The following FRMD5 variants were observed in gnomAD, a reference collection of about 807,000 sequenced individuals.
The protein encoded by FRMD5 is FERM domain containing 5.
FRMD5 carries 20 observed loss-of-function variants against 69.0 expected under a neutral mutation model. The observed-to-expected ratio is 0.29, with a 90% confidence interval of 0.20 to 0.42. The LOEUF (loss-of-function observed/expected upper bound fraction) is 0.42, where lower values mean the gene tolerates loss of function less well. Ranked by LOEUF, FRMD5 falls within the 10% of genes least tolerant of loss-of-function variation. The pLI is 1.00. For missense variants in FRMD5, 595 were observed against 708.6 expected (o/e 0.84, Z 1.82); for synonymous variants, 271 against 260.1 (o/e 1.04, Z -0.40).
At chr15:43,975,074 C>T (rs2090443191) in intron 1 of FRMD5, among the ~76,000 whole-genome samples, 1 of 152,170 alleles carries the variant, frequency 6.6e-6, no homozygotes, top group Non-Finnish European at 1.5e-5. Context: ...GAGCAGTGAA[C>T]CATGAGGAAT....
At chr15:43,947,859 T>C (rs1334424081) in intron 1 of FRMD5, among the ~76,000 whole-genome samples, 1 of 152,226 alleles carries the variant, frequency 6.6e-6, no homozygotes, top group African/African-American at 2.4e-5. Context: ...ACTTAAACCT[T>C]TTATCCCAGA....
intron 1 of FRMD5, among the ~76,000 whole-genome samples, chr15:43,952,514 G>T (rs1010781441): frequency 6.6e-6 from 1 of 152,180 alleles, no homozygotes; most frequent in African/African-American, 2.4e-5. Flanking sequence ...CTTTCCATGC[G>T]CTGCTGCATT....
rs143940165 is a variant in FRMD5 at position 43,910,350 on chromosome 15, G to A, written c.330-371C>T. Among the ~76,000 whole-genome samples the A allele has an allele frequency of 5.7e-4, 87 of 152,086 alleles. 1 individual carries two copies. The East Asian group carries it at 0.014, about 24-fold the overall frequency. On this transcript the variant is annotated intron_variant, in intron 4 of 13. Transcript: ENST00000417257. The stretch of plus-strand genomic sequence containing the variant: ...AGACTGGCAAACTGGGCCTCTCTCC[G>A]CCTTGGATGCCAGCTGATGTTCCTT...
At chr15:44,142,546 A>G (rs2077289224) in intron 1 of FRMD5, among the ~76,000 whole-genome samples, 3 of 152,204 alleles carry the variant, frequency 2.0e-5, no homozygotes, top group Admixed American at 2.0e-4. Flanking sequence ...TATAGTCTCT[A>G]TGGGAAATAT....
At chr15:44,093,665 C>G (rs986961484) in intron 1 of FRMD5, among the ~76,000 whole-genome samples, 1 of 151,810 alleles carries the variant, frequency 6.6e-6, no homozygotes, top group African/African-American at 2.4e-5. Context: ...CTCCATCTCC[C>G]GGGTTCACGC....
At chr15:44,132,968 A>T (rs1279783380) in intron 1 of FRMD5, among the ~76,000 whole-genome samples, 1 of 151,482 alleles carries the variant, frequency 6.6e-6, no homozygotes, top group Non-Finnish European at 1.5e-5. Flanking sequence ...TCACCACGTT[A>T]GCCGGGATGG....
rs749374304 is a variant in FRMD5, at chr15:43,919,575, C to T, written c.251-38G>A. On this transcript the variant is annotated intron_variant, in intron 3 of 13. Transcript: ENST00000417257. ...AGAGGTGCTCATCAGGGAAGACTCT[C>T]ACCCAGAAGAGGACAGGGCTCTTCT... 12 of 1,599,894 alleles carry T rather than the reference C, an allele frequency of 7.5e-6. No homozygotes were observed. In the Admixed American group the frequency reaches 1.3e-4, roughly 18 times the overall value.
intron 1 of FRMD5, among the ~76,000 whole-genome samples, chr15:43,927,104 A>G (rs978594391): frequency 7.2e-5 from 11 of 152,082 alleles, no homozygotes; most frequent in African/African-American, 2.7e-4. Context: ...AAGTATGCCT[A>G]CGCTCCCTTT....
At chr15:44,161,522 C>T (rs2077615895) in intron 1 of FRMD5, among the ~76,000 whole-genome samples, 1 of 152,184 alleles carries the variant, frequency 6.6e-6, no homozygotes, top group East Asian at 1.9e-4. Context: ...GGGCAACATG[C>T]TTAACTATTA....
intron 1 of FRMD5, among the ~76,000 whole-genome samples, chr15:43,953,840 G>A (rs2140519600): frequency 6.6e-6 from 1 of 152,340 alleles, no homozygotes; most frequent in Non-Finnish European, 1.5e-5. Flanking sequence ...CAGCTATGAT[G>A]TGACTTTACA....
intron 13 of FRMD5, chr15:43,879,390 C>T (rs1325608114): frequency 5.0e-6 from 2 of 397,648 alleles, no homozygotes; most frequent in African/African-American, 4.1e-5. Flanking sequence ...GTAAAAGCCA[C>T]CACCTGTCCT....
chr15:43,964,571 C>CT (rs967665247), intron 1 of FRMD5, among the ~76,000 whole-genome samples: 21 of 151,220 alleles, frequency 1.4e-4, no homozygotes, highest in African/African-American at 2.2e-4. Flanking sequence ...TGTAACAAGG[C>CT]TTTTTTTTAA....
At chr15:43,882,422 G>A (rs935022093) in intron 13 of FRMD5, among the ~76,000 whole-genome samples, 1 of 151,098 alleles carries the variant, frequency 6.6e-6, no homozygotes, top group Non-Finnish European at 1.5e-5. Flanking sequence ...GCAGTGGCAC[G>A]ATCTCAGCTC....
At chr15:43,949,441 C>T (rs2089993819) in intron 1 of FRMD5, among the ~76,000 whole-genome samples, 2 of 152,196 alleles carry the variant, frequency 1.3e-5, no homozygotes, top group African/African-American at 4.8e-5. Context: ...TGTGAGCTCC[C>T]TTCAGGTAGA....
chr15:43,907,750 C>T (rs1409387467), intron 5 of FRMD5, among the ~76,000 whole-genome samples: 4 of 152,152 alleles, frequency 2.6e-5, no homozygotes, highest in Non-Finnish European at 5.9e-5. Context: ...TCATGATCTG[C>T]CTGTCTCGGC....
intron 1 of FRMD5, among the ~76,000 whole-genome samples, chr15:44,054,297 G>A (rs888478436): frequency 6.6e-5 from 10 of 152,350 alleles, no homozygotes; most frequent in African/African-American, 2.4e-4. Flanking sequence ...GGGTGTGGGA[G>A]CAGCTTTTAT....
rs190352002 is a variant in FRMD5, at chr15:44,142,593, C to T, written c.102+52360G>A. ...AAAAACATGTCCACAATATGCAGGCCAGAAAATTTCTTTAAAATCTATCAT... is the reference window on the plus strand; with the variant it reads ...AAAAACATGTCCACAATATGCAGGCTAGAAAATTTCTTTAAAATCTATCAT... On this transcript the variant is annotated intron_variant, in intron 1 of 13. Coordinates refer to ENST00000417257, the MANE Select transcript of FRMD5 (RefSeq NM_032892.5). 5.5e-4 allele frequency among the ~76,000 whole-genome samples: 84 copies of T among 152,154 alleles called. 2 individuals are homozygous for T. Among genetic ancestry groups the T allele is most frequent in the Non-Finnish European group, 8.8e-4 (60 of 67,996 alleles).
chr15:43,906,654 T>G (rs537195477), intron 5 of FRMD5, among the ~76,000 whole-genome samples: 3 of 151,768 alleles, frequency 2.0e-5, no homozygotes, highest in Non-Finnish European at 2.9e-5. Context: ...CAGGCTGGAG[T>G]GCAGTGGTGC....
At chr15:43,951,230 C>T (rs908425473) in intron 1 of FRMD5, among the ~76,000 whole-genome samples, 5 of 151,992 alleles carry the variant, frequency 3.3e-5, no homozygotes, top group Non-Finnish European at 5.9e-5. Flanking sequence ...ACCATCCTGG[C>T]TAATACGGTG....
Sources: gnomAD v4.1 joint callset for allele counts (sites outside exome capture counted in the v4.1 genomes callset) on GRCh38, gnomAD v4.1.1 for gene constraint, MANE v1.5 for transcripts, NCBI Gene and HGNC (gene_info 2026-07-23, HGNC 2026-07-21) for gene names.